The following LYPLAL1 variants were observed in gnomAD, a reference collection of about 807,000 sequenced individuals.
LYPLAL1 encodes the protein lysophospholipase-like protein 1.
In LYPLAL1, 23 loss-of-function variants were observed where a neutral mutation model predicts 19.7. That is an observed-to-expected ratio of 1.17 (90% CI 0.84 to 1.65). The LOEUF is 1.65. LYPLAL1 is among the 40% of genes most tolerant of loss of function. The pLI, the probability that LYPLAL1 is intolerant of heterozygous loss-of-function variation, is 0.00. For synonymous variants in LYPLAL1, 119 were observed against 96.3 expected, an observed-to-expected ratio of 1.24 and a Z score of -1.38; for missense variants, 355 against 279.4, an observed-to-expected ratio of 1.27 and a Z score of -1.93.
At chr1:219,249,981 C>G in the LYPLAL1 span, among the ~76,000 whole-genome samples, 2 of 151,990 alleles carry the variant, frequency 1.3e-5, no homozygotes, top group Non-Finnish European at 2.9e-5. Context: ...CTTTTTCACT[C>G]TCTTTGTGGT....
At chr1:219,187,740 A>G (rs1395280364) in intron 2 of LYPLAL1, among the ~76,000 whole-genome samples, 1 of 151,724 alleles carries the variant, frequency 6.6e-6, no homozygotes, top group South Asian at 2.1e-4. Context: ...ATAGTAAACC[A>G]TGAATTCCTC....
chr1:219,344,230 C>G, the LYPLAL1 span, among the ~76,000 whole-genome samples: 335 of 152,302 alleles, frequency 2.2e-3, 3 homozygotes, highest in South Asian at 8.1e-3. Flanking sequence ...GTTGTTCACT[C>G]AAAGAAACCA....
chr1:219,322,700 G>T, the LYPLAL1 span, among the ~76,000 whole-genome samples: 2 of 152,054 alleles, frequency 1.3e-5, no homozygotes, highest in Admixed American at 6.6e-5. Flanking sequence ...AAATCAGAAG[G>T]GTTAAGATTC....
the LYPLAL1 span, among the ~76,000 whole-genome samples, chr1:219,381,300 C>G: frequency 0.99 from 151,409 of 152,272 alleles, 75,288 homozygotes; most frequent in Middle Eastern, 1. Context: ...TGATTGTGAG[C>G]CCTCCCCAGC....
chr1:219,351,611 A>G, the LYPLAL1 span, among the ~76,000 whole-genome samples: 3 of 152,184 alleles, frequency 2.0e-5, no homozygotes, highest in Admixed American at 2.0e-4. Flanking sequence ...GAATGTTCTT[A>G]TAAGGGAAAT....
chr1:219,402,643 CAA>C, the LYPLAL1 span, among the ~76,000 whole-genome samples: 29 of 101,578 alleles, frequency 2.9e-4, no homozygotes, highest in Middle Eastern at 5.6e-3. Flanking sequence ...TACCAGAAAC[CAA>C]AAAAAAAAAA....
At chr1:219,395,441 T>A in the LYPLAL1 span, among the ~76,000 whole-genome samples, 1 of 152,176 alleles carries the variant, frequency 6.6e-6, no homozygotes, top group Non-Finnish European at 1.5e-5. Context: ...GAAAGTGTGT[T>A]TATGTCCTTT....
the LYPLAL1 span, among the ~76,000 whole-genome samples, chr1:219,381,190 T>G: frequency 1.3e-5 from 2 of 152,250 alleles, no homozygotes; most frequent in Admixed American, 1.3e-4. Flanking sequence ...TGAATAAGTC[T>G]CATGAGATCC....
chr1:219,295,067 C>G, the LYPLAL1 span, among the ~76,000 whole-genome samples: 1 of 152,088 alleles, frequency 6.6e-6, no homozygotes, highest in African/African-American at 2.4e-5. Context: ...CCTCTTTGGT[C>G]CTGAAAGCAG....
chr1:219,292,862 G>A, the LYPLAL1 span, among the ~76,000 whole-genome samples: 1 of 152,168 alleles, frequency 6.6e-6, no homozygotes, highest in Non-Finnish European at 1.5e-5. Flanking sequence ...CCTGGCAGAT[G>A]GGGCTTCAGA....
chr1:219,368,022 T>C, the LYPLAL1 span, among the ~76,000 whole-genome samples: 1 of 152,014 alleles, frequency 6.6e-6, no homozygotes, highest in Non-Finnish European at 1.5e-5. Context: ...AAGAACTATG[T>C]ATTGCTACTC....
At chr1:219,354,572 G>A in the LYPLAL1 span, among the ~76,000 whole-genome samples, 2 of 152,074 alleles carry the variant, frequency 1.3e-5, no homozygotes, top group Non-Finnish European at 2.9e-5. Flanking sequence ...TATAACCAAA[G>A]CAAACAACAC....
At chr1:219,221,496 CA>C in the LYPLAL1 span, among the ~76,000 whole-genome samples, 4 of 152,110 alleles carry the variant, frequency 2.6e-5, no homozygotes, top group Admixed American at 2.6e-4. Context: ...TTGATCTTGC[CA>C]AAACTGAAAT....
chr1:219,231,732 C>T, the LYPLAL1 span, among the ~76,000 whole-genome samples: 1 of 152,182 alleles, frequency 6.6e-6, no homozygotes, highest in South Asian at 2.1e-4. Flanking sequence ...GTTTTGTCTG[C>T]ATCAATTTCC....
chr1:219,386,977 C>A, the LYPLAL1 span, among the ~76,000 whole-genome samples: 1 of 152,194 alleles, frequency 6.6e-6, no homozygotes, highest in Admixed American at 6.5e-5. Context: ...CCCTAATCCA[C>A]TATTTTAACA....
chr1:219,374,982 A>T, the LYPLAL1 span, among the ~76,000 whole-genome samples: 2 of 151,684 alleles, frequency 1.3e-5, no homozygotes, highest in Non-Finnish European at 2.9e-5. Context: ...ATACAATTAA[A>T]CCTCTTTCTT....
chr1:219,342,126 A>T, the LYPLAL1 span, among the ~76,000 whole-genome samples: 2 of 152,116 alleles, frequency 1.3e-5, no homozygotes, highest in Non-Finnish European at 2.9e-5. Context: ...ATCCCTTTGC[A>T]TCTGGGTATC....
the LYPLAL1 span, among the ~76,000 whole-genome samples, chr1:219,390,354 C>G: frequency 1.4e-4 from 21 of 152,126 alleles, no homozygotes; most frequent in Admixed American, 9.8e-4. Context: ...AAAAGAAATG[C>G]AATTGTCTTA....
At position 219,203,900 on chromosome 1, in the gene LYPLAL1, A is replaced by G. The variant is rs17049141; in HGVS notation, c.362-6632A>G. ...CACACTATTTTAAGACTTCAGGAAT[A>G]CCAGGATGAGTAAAACTACATTTAA... On this transcript the variant is annotated intron_variant, in intron 3 of 4. Transcript: ENST00000366928. Among the ~76,000 whole-genome samples, 1,741 of 152,324 alleles carry G rather than the reference A, an allele frequency of 0.011. 85 individuals carry two copies. The East Asian group carries it at 0.13, about 11-fold the overall frequency.
Sources: allele counts gnomAD v4.1 joint callset (sites outside exome capture counted in the v4.1 genomes callset), GRCh38; gene constraint gnomAD v4.1.1; transcripts MANE v1.5; gene names NCBI Gene and HGNC (gene_info 2026-07-23, HGNC 2026-07-21).